OSBPL9: variants seen among roughly 807,000 people sequenced by gnomAD.
OSBPL9 encodes oxysterol-binding protein-related protein 9.
Under a neutral mutation model 106.6 loss-of-function variants are expected in OSBPL9, and 40 were observed. The observed-to-expected ratio is 0.38, with a 90% CI of 0.29 to 0.49. The LOEUF (loss-of-function observed/expected upper bound fraction) is 0.49. Ranked by LOEUF, OSBPL9 falls within the 20% of genes least tolerant of loss-of-function variation. The probability of loss-of-function intolerance (pLI) is 0.97; values close to 1 mark genes in which losing one functional copy is unlikely to be tolerated. For missense variants in OSBPL9, 609 were observed against 887.2 expected (o/e 0.69, Z 3.98); for synonymous variants, 269 against 295.4 (o/e 0.91, Z 0.92).
chr1:51,677,781 C>T (rs1277104232), intron 3 of OSBPL9, among the ~76,000 whole-genome samples: 2 of 152,110 alleles, frequency 1.3e-5, no homozygotes, highest in African/African-American at 4.8e-5. Context: ...GAACTCTGGA[C>T]CTTGTGATCC....
At chr1:51,716,683 G>T (rs1289662133) in intron 4 of OSBPL9, among the ~76,000 whole-genome samples, 1 of 152,142 alleles carries the variant, frequency 6.6e-6, no homozygotes, top group Non-Finnish European at 1.5e-5. Context: ...TGTAGAGATT[G>T]CTTTTCCATT....
chr1:51,560,262 G>A, the OSBPL9 span, among the ~76,000 whole-genome samples: 5 of 152,298 alleles, frequency 3.3e-5, no homozygotes, highest in African/African-American at 1.2e-4. Context: ...GTTGTACAGT[G>A]GGTGTAATCA....
At chr1:51,519,400 C>G in the OSBPL9 span, 2 of 223,252 alleles carry the variant, frequency 9.0e-6, no homozygotes, top group East Asian at 1.4e-4. Flanking sequence ...CTGGCCCCGC[C>G]CGCCTGCCCG....
intron 3 of OSBPL9, chr1:51,709,180 A>G (rs558502373): frequency 5.8e-6 from 1 of 171,028 alleles, no homozygotes; most frequent in African/African-American, 2.3e-5. Flanking sequence ...CTGCAGGTGC[A>G]ACATGCCAGT....
intron 1 of OSBPL9, among the ~76,000 whole-genome samples, chr1:51,650,058 G>A (rs1160894010): frequency 1.3e-5 from 2 of 151,840 alleles, no homozygotes; most frequent in African/African-American, 4.8e-5. Flanking sequence ...TGTATTTTTT[G>A]TAGAGATAGA....
At chr1:51,588,461 C>T (rs1318488392) in intron 1 of OSBPL9, among the ~76,000 whole-genome samples, 1 of 152,064 alleles carries the variant, frequency 6.6e-6, no homozygotes, top group East Asian at 1.9e-4. Context: ...GAGTTCAAGA[C>T]CAGTCTGGGC....
At chr1:51,750,494 CA>C (rs1669002588) in intron 8 of OSBPL9, among the ~76,000 whole-genome samples, 2 of 152,004 alleles carry the variant, frequency 1.3e-5, no homozygotes, top group African/African-American at 4.8e-5. Context: ...AAACCTTCCA[CA>C]AAAAAAGTTT....
intron 1 of OSBPL9, among the ~76,000 whole-genome samples, chr1:51,586,688 C>CA (rs1418409924): frequency 1.3e-5 from 2 of 152,196 alleles, no homozygotes; most frequent in East Asian, 3.9e-4. Context: ...AGCCAGGCCC[C>CA]AGGTGCGGGT....
rs1403999806 is a variant in OSBPL9 at position 51,706,257 on chromosome 1, C to T, written c.242-7746C>T. Among the ~76,000 whole-genome samples the T allele has an allele frequency of 1.3e-5, 2 of 152,134 alleles. 1 individual carries two copies. The highest frequency in any genetic ancestry group is 4.8e-5 in the African/African-American group (2 of 41,402). On this transcript the variant is annotated intron_variant, in intron 3 of 23. Transcript: ENST00000428468. Reference sequence around the variant, plus strand: ...TTTGACCTACCAAAAGGGTACTTTCCTGTGGCCCAACCTAATAGTTATAGC... The same window carrying T: ...TTTGACCTACCAAAAGGGTACTTTCTTGTGGCCCAACCTAATAGTTATAGC...
At chr1:51,553,543 C>T in the OSBPL9 span, among the ~76,000 whole-genome samples, 2 of 149,654 alleles carry the variant, frequency 1.3e-5, no homozygotes, top group Admixed American at 1.3e-4. Context: ...ACAAAACAAA[C>T]AAAAAAAAAG....
chr1:51,554,070 T>G, the OSBPL9 span, among the ~76,000 whole-genome samples: 1 of 152,192 alleles, frequency 6.6e-6, no homozygotes, highest in Non-Finnish European at 1.5e-5. Flanking sequence ...GTGGGAGGAT[T>G]GCTTGAGCCC....
chr1:51,528,234 CTA>C, the OSBPL9 span, among the ~76,000 whole-genome samples: 2 of 151,754 alleles, frequency 1.3e-5, no homozygotes, highest in Non-Finnish European at 2.9e-5. Context: ...AGAAGTAAAA[CTA>C]TATTTGCAGA....
At chr1:51,536,506 T>TG in the OSBPL9 span, among the ~76,000 whole-genome samples, 2 of 151,924 alleles carry the variant, frequency 1.3e-5, no homozygotes, top group Non-Finnish European at 2.9e-5. Context: ...TTTGTAGAGG[T>TG]GGGGTCTCGT....
At chr1:51,566,663 A>C in the OSBPL9 span, 1 of 152,118 alleles carries the variant, frequency 6.6e-6, no homozygotes, top group African/African-American at 2.4e-5. Flanking sequence ...AACAAACCTT[A>C]CCACACTCTT....
At position 51,789,214 on chromosome 1, in the gene OSBPL9, G is replaced by A. The variant is rs748476129; in HGVS notation, c.*1425G>A. The stretch of plus-strand genomic sequence containing the variant: ...ACATTTTAAAATACACATTGCTTCA[G>A]GCCAACGTGACTGCAGTTTATTTAT... On this transcript the variant is annotated 3_prime_UTR_variant, in exon 24 of 24. Coordinates refer to ENST00000428468, the MANE Select transcript of OSBPL9 (RefSeq NM_024586.6). 1 of 1,602,698 alleles carries A rather than the reference G, an allele frequency of 6.2e-7. No individual in the cohort carries two copies. Among genetic ancestry groups the A allele is most frequent in the Non-Finnish European group, 8.5e-7 (1 of 1,169,866 alleles).
the OSBPL9 span, among the ~76,000 whole-genome samples, chr1:51,547,944 T>G: frequency 6.6e-6 from 1 of 151,816 alleles, no homozygotes; most frequent in Non-Finnish European, 1.5e-5. Context: ...GTAGTGTGAT[T>G]AATTAAATCC....
intron 4 of OSBPL9, among the ~76,000 whole-genome samples, chr1:51,741,641 AAC>A (rs1666943310): frequency 1.4e-5 from 2 of 145,234 alleles, no homozygotes; most frequent in Non-Finnish European, 3.0e-5. Flanking sequence ...GTTTTTGAAA[AAC>A]AGAGACTTTT....
At chr1:51,557,961 T>C in the OSBPL9 span, among the ~76,000 whole-genome samples, 2 of 152,316 alleles carry the variant, frequency 1.3e-5, no homozygotes, top group East Asian at 3.9e-4. Flanking sequence ...TTCCTGGCCA[T>C]AGGCCAAACT....
chr1:51,577,466 G>A (rs1306258969), intron 1 of OSBPL9, among the ~76,000 whole-genome samples: 1 of 151,628 alleles, frequency 6.6e-6, no homozygotes, highest in Non-Finnish European at 1.5e-5. Context: ...GTAGAGACAG[G>A]GTTTCATCGT....
Sources: gnomAD v4.1 joint callset for allele counts (sites outside exome capture counted in the v4.1 genomes callset) on GRCh38, gnomAD v4.1.1 for gene constraint, MANE v1.5 for transcripts, NCBI Gene and HGNC (gene_info 2026-07-23, HGNC 2026-07-21) for gene names.